Variants in NADK2 observed in about 807,000 individuals in gnomAD.
NADK2 encodes the protein NAD kinase domain-containing protein 1, mitochondrial.
NADK2 carries 35 observed loss-of-function variants against 62.1 expected under a neutral mutation model. The ratio of observed to expected loss-of-function variants is 0.56; its 90% CI spans 0.43 to 0.75. NADK2 has a LOEUF of 0.75. Ranked by LOEUF, NADK2 falls within the 30% of genes least tolerant of loss-of-function variation. NADK2 has a pLI of 0.00. For missense variants in NADK2, 439 were observed against 561.3 expected (o/e 0.78, Z 2.20); for synonymous variants, 205 against 207.9 (o/e 0.99, Z 0.12).
intron 1 of NADK2, among the ~76,000 whole-genome samples, chr5:36,235,892 T>A (rs868309284): frequency 2.9e-3 from 46 of 15,740 alleles, no homozygotes; most frequent in East Asian, 0.025. Context: ...AGAAAATATA[T>A]ATATATATAT....
intron 1 of NADK2, among the ~76,000 whole-genome samples, chr5:36,231,265 AC>A (rs1747699977): frequency 6.6e-6 from 1 of 152,218 alleles, no homozygotes; most frequent in African/African-American, 2.4e-5. Context: ...TGGAGAACTA[AC>A]AAAAAACTTC....
At chr5:36,207,574 A>AT (rs999510874) in intron 7 of NADK2, among the ~76,000 whole-genome samples, 4 of 152,104 alleles carry the variant, frequency 2.6e-5, no homozygotes, top group African/African-American at 9.7e-5. Flanking sequence ...CTCTTATGGA[A>AT]TCTAACATAT....
At chr5:36,210,520 G>A (rs946743179) in intron 7 of NADK2, among the ~76,000 whole-genome samples, 4 of 152,160 alleles carry the variant, frequency 2.6e-5, no homozygotes, top group Middle Eastern at 3.4e-3. Context: ...GAGCATTTGT[G>A]TCAAAAATGC....
At chr5:36,214,905 C>T (rs1191006494) in intron 6 of NADK2, among the ~76,000 whole-genome samples, 2 of 152,094 alleles carry the variant, frequency 1.3e-5, no homozygotes, top group African/African-American at 4.8e-5. Context: ...TTTATTAAAC[C>T]AATTCATCTC....
chr5:36,223,986 C>G (rs1426187284), intron 4 of NADK2, among the ~76,000 whole-genome samples: 3 of 152,000 alleles, frequency 2.0e-5, no homozygotes, highest in Non-Finnish European at 4.4e-5. Context: ...TAGTTCTAAT[C>G]CAGTGACTTT....
chr5:36,215,726 C>T (rs1416053529), intron 6 of NADK2, among the ~76,000 whole-genome samples: 2 of 152,164 alleles, frequency 1.3e-5, no homozygotes, highest in Non-Finnish European at 2.9e-5. Flanking sequence ...ACTTATTTCG[C>T]TTCACATAGT....
chr5:36,231,440 T>C (rs1468559209), intron 1 of NADK2, among the ~76,000 whole-genome samples: 1 of 152,226 alleles, frequency 6.6e-6, no homozygotes, highest in Non-Finnish European at 1.5e-5. Flanking sequence ...TAATAAGTCA[T>C]CCTCAACATT....
chr5:36,200,996 C>T, intron 9 of NADK2, 110 bp downstream of exon 9: 1 of 792,574 alleles, frequency 1.3e-6, no homozygotes. Flanking sequence ...GAAATTAATG[C>T]ATAGTATAAG....
At chr5:36,217,384 T>C (rs1230587079) in intron 6 of NADK2, among the ~76,000 whole-genome samples, 2 of 152,042 alleles carry the variant, frequency 1.3e-5, no homozygotes, top group Non-Finnish European at 2.9e-5. Flanking sequence ...AGTATAACTA[T>C]ATAACATGTA....
chr5:36,204,049 T>C (rs912691807), intron 8 of NADK2, among the ~76,000 whole-genome samples: 3 of 152,156 alleles, frequency 2.0e-5, no homozygotes, highest in African/African-American at 4.8e-5. Context: ...ACTTCTTGTA[T>C]AACTTTGGCC....
chr5:36,239,037 T>A (rs114391213), intron 1 of NADK2, among the ~76,000 whole-genome samples: 4 of 152,166 alleles, frequency 2.6e-5, no homozygotes, highest in Non-Finnish European at 5.9e-5. Flanking sequence ...AAAACAGACC[T>A]GTTTTACATC....
chr5:36,239,585 T>C (rs1748033800), intron 1 of NADK2, among the ~76,000 whole-genome samples: 1 of 152,160 alleles, frequency 6.6e-6, no homozygotes, highest in Admixed American at 6.5e-5. Context: ...TACACTTAGG[T>C]AGTTTGACTT....
intron 9 of NADK2, 109 bp downstream of exon 9, chr5:36,200,997 A>G (rs984670358): frequency 1.3e-6 from 1 of 797,044 alleles, no homozygotes; most frequent in Non-Finnish European, 2.1e-6. Context: ...AAATTAATGC[A>G]TAGTATAAGG....
At chr5:36,197,288 C>T (rs914622859) in intron 11 of NADK2, among the ~76,000 whole-genome samples, 1 of 151,986 alleles carries the variant, frequency 6.6e-6, no homozygotes, top group Non-Finnish European at 1.5e-5. Flanking sequence ...ACCAACAAAT[C>T]ACTGAAATAA....
At chr5:36,237,985 G>C (rs1747970992) in intron 1 of NADK2, among the ~76,000 whole-genome samples, 2 of 152,138 alleles carry the variant, frequency 1.3e-5, no homozygotes, top group South Asian at 2.1e-4. Context: ...AAGCAAAAGA[G>C]AGAAAGGGCC....
At chr5:36,201,287 T>G in intron 8 of NADK2, 126 bp from the exon 9 acceptor site, 1 of 778,436 alleles carries the variant, frequency 1.3e-6, no homozygotes, top group Middle Eastern at 3.8e-4. Context: ...ATGAACAAAG[T>G]TAAAAACTGG....
intron 8 of NADK2, 136 bp from the exon 9 acceptor site, chr5:36,201,297 G>T: frequency 1.4e-6 from 1 of 704,040 alleles, no homozygotes; most frequent in Non-Finnish European, 2.4e-6. Flanking sequence ...TTAAAAACTG[G>T]TAAATAATGT....
chr5:36,199,160 C>A (rs535795796), intron 10 of NADK2, among the ~76,000 whole-genome samples: 1 of 151,736 alleles, frequency 6.6e-6, no homozygotes, highest in African/African-American at 2.4e-5. Context: ...ATGTAACAAA[C>A]CTGCACGTTG....
At chr5:36,228,258 T>C (rs1360611794) in intron 1 of NADK2, among the ~76,000 whole-genome samples, 1 of 152,174 alleles carries the variant, frequency 6.6e-6, no homozygotes, top group African/African-American at 2.4e-5. Context: ...TTCTTATGAA[T>C]AATCCATAAA....
Sources: gnomAD v4.1 joint callset for allele counts (sites outside exome capture counted in the v4.1 genomes callset) on GRCh38, gnomAD v4.1.1 for gene constraint, MANE v1.5 for transcripts, NCBI Gene and HGNC (gene_info 2026-07-23, HGNC 2026-07-21) for gene names.